Variants in SLC1A7 observed in about 807,000 individuals in gnomAD.
The protein encoded by SLC1A7 is solute carrier family 1 member 7.
A neutral mutation model predicts 47.7 loss-of-function variants in SLC1A7; 40 were observed. The ratio of observed to expected loss-of-function variants is 0.84; its 90% CI spans 0.65 to 1.09. SLC1A7 has a LOEUF of 1.09. Ranked by LOEUF, SLC1A7 falls within the 50% of genes least tolerant of loss-of-function variation. The probability of loss-of-function intolerance (pLI) is 0.00; values close to 1 mark genes in which losing one functional copy is unlikely to be tolerated. For synonymous variants in SLC1A7, 323 were observed against 325.6 expected (o/e 0.99, Z 0.09); for missense variants, 746 against 769.5 (o/e 0.97, Z 0.36).
intron 2 of SLC1A7, among the ~76,000 whole-genome samples, chr1:53,123,430 G>A (rs1644846985): frequency 6.6e-6 from 1 of 152,194 alleles, no homozygotes; most frequent in African/African-American, 2.4e-5. Context: ...ACCTTCCCAG[G>A]CTCTGAGATA....
chr1:53,137,311 A>T (rs1274161614), intron 1 of SLC1A7, among the ~76,000 whole-genome samples: 1 of 122,942 alleles, frequency 8.1e-6, no homozygotes, highest in African/African-American at 2.9e-5. Context: ...TGCTCTACTG[A>T]TAAAAAGGCA....
At position 53,117,835 on chromosome 1, in the gene SLC1A7, C is replaced by G. The variant is rs554073411; in HGVS notation, c.216-2862G>C. Among the ~76,000 whole-genome samples the G allele has an allele frequency of 7.9e-5, 12 of 152,356 alleles. No individual in the cohort carries two copies. The East Asian group carries it at 2.3e-3, about 29-fold the overall frequency. The stretch of plus-strand genomic sequence containing the variant: ...GAGGGAGTGTAGGTTTTAGACAGAG[C>G]AAGAGGGATCCCTGACCCCACCCTG... On this transcript the variant is annotated intron_variant, in intron 2 of 10. Transcript: ENST00000371494.
At chr1:53,114,552 C>T (rs1449855438) in intron 3 of SLC1A7, 1 of 592,614 alleles carries the variant, frequency 1.7e-6, no homozygotes, top group Non-Finnish European at 3.0e-6. Context: ...GAGGGGCAGA[C>T]CCCGTCCAGG....
chr1:53,113,481 G>C (rs1245822151), intron 3 of SLC1A7, among the ~76,000 whole-genome samples: 1 of 152,064 alleles, frequency 6.6e-6, no homozygotes, highest in African/African-American at 2.4e-5. Context: ...CATCCACTTG[G>C]ATGCGTGGGC....
At chr1:53,135,702 T>C (rs1169724512) in intron 1 of SLC1A7, among the ~76,000 whole-genome samples, 1 of 151,438 alleles carries the variant, frequency 6.6e-6, no homozygotes, top group East Asian at 1.9e-4. Flanking sequence ...AAAAAAATGC[T>C]GTTTATCTGA....
rs558157079 is a variant in SLC1A7, at chr1:53,142,414, G to C, written c.36C>G (p.Asp12Glu). The change falls in exon 1 of 11, where the codon GAC (aspartate) becomes GAG (glutamate). Residue 12 changes from aspartate (D) to glutamate (E), a missense_variant. Physicochemically the swap from Asp to Glu is conservative, Grantham distance 45. Transcript: ENST00000371494. The stretch of plus-strand genomic sequence containing the variant: ...TGAGGAGTCCATTCCGCCTGCACAC[G>C]TCCCTCCCCCGTGCCAAGATGGCAT... ...VPHAILARGR[D>E]VCRRNGLLIL... 5 of 1,612,000 alleles carry C rather than the reference G, an allele frequency of 3.1e-6. No individual in the cohort carries two copies. In the Admixed American group the frequency reaches 8.4e-5, roughly 27 times the overall value.
rs545211848 is a variant in SLC1A7, at chr1:53,127,017, C to A, written c.215+7333G>T. Among the ~76,000 whole-genome samples, 3 of 149,074 alleles carry A rather than the reference C, an allele frequency of 2.0e-5. No individual in the cohort carries two copies. The Admixed American group carries it at 2.0e-4, about 10-fold the overall frequency. On this transcript the variant is annotated intron_variant, in intron 2 of 10. Transcript: ENST00000371494. Reference sequence around the variant, plus strand: ...AGCCAGGACTACAGGTGCCCACCATCATGCCTGGCTAATTTTAAAAGTTTT... The same window carrying A: ...AGCCAGGACTACAGGTGCCCACCATAATGCCTGGCTAATTTTAAAAGTTTT...
intron 10 of SLC1A7, among the ~76,000 whole-genome samples, chr1:53,088,545 A>T (rs1361675035): frequency 6.6e-6 from 1 of 152,170 alleles, no homozygotes; most frequent in Non-Finnish European, 1.5e-5. Flanking sequence ...TGCCTGTAGA[A>T]GGAGCCTGAA....
chr1:53,089,329 A>G (rs1644394281), intron 9 of SLC1A7, among the ~76,000 whole-genome samples: 1 of 152,180 alleles, frequency 6.6e-6, no homozygotes, highest in African/African-American at 2.4e-5. Context: ...CAGTGGCGCC[A>G]TCTCGGCTTA....
intron 10 of SLC1A7, 42 bp downstream of exon 10, chr1:53,088,835 G>T: frequency 6.6e-7 from 1 of 1,525,718 alleles, no homozygotes; most frequent in Non-Finnish European, 9.1e-7. Context: ...CACCCTGCGT[G>T]GCTCCACCCT....
Position 53,092,627 on chromosome 1 carries a change from T to C in SLC1A7, c.958A>G (p.Thr320Ala), listed in dbSNP as rs780099489. ...FILPLLYFFI[T>A]KKNPIVFIRG... The stretch of plus-strand genomic sequence containing the variant: ...ATGAAGACGATGGGATTCTTCTTGG[T>C]GATGAAGAAGTAGAGCAGGGGCAGG... Residue 320 changes from threonine to alanine, a missense_variant, in exon 7 of 11, where the codon ACC (threonine) becomes GCC (alanine). Thr to Ala is a moderately conservative substitution (Grantham distance 58). Coordinates refer to ENST00000371494, the MANE Select transcript of SLC1A7 (RefSeq NM_006671.6). The C allele has an allele frequency of 2.0e-5, 33 of 1,614,008 alleles. 1 individual carries two copies. Among genetic ancestry groups the C allele is most frequent in the Non-Finnish European group, 2.2e-5 (26 of 1,179,972 alleles).
At chr1:53,136,058 T>C (rs1262330423) in intron 1 of SLC1A7, among the ~76,000 whole-genome samples, 5 of 151,618 alleles carry the variant, frequency 3.3e-5, no homozygotes, top group Non-Finnish European at 7.4e-5. Flanking sequence ...CACCCAATGT[T>C]AACCGCAGCA....
intron 2 of SLC1A7, 91 bp from the exon 3 acceptor site, chr1:53,115,064 G>C (rs1644743466): frequency 1.0e-6 from 1 of 967,332 alleles, no homozygotes; most frequent in Non-Finnish European, 1.6e-6. Context: ...GCCATGTCCA[G>C]CTGCCTCACA....
At chr1:53,140,928 GT>G (rs1229150054) in intron 1 of SLC1A7, among the ~76,000 whole-genome samples, 1 of 152,168 alleles carries the variant, frequency 6.6e-6, no homozygotes, top group Non-Finnish European at 1.5e-5. Context: ...AGGAGTGGGT[GT>G]TTTCCTTTTA....
chr1:53,094,024 A>T (rs1288409), intron 5 of SLC1A7, among the ~76,000 whole-genome samples: 2 of 152,176 alleles, frequency 1.3e-5, no homozygotes, highest in African/African-American at 4.8e-5. Context: ...AGCCGTTTAC[A>T]CAGTGCCCCA....
chr1:53,103,734 T>C lies in SLC1A7; in HGVS notation c.475-166A>G. On this transcript the variant is annotated intron_variant, in intron 4 of 10. Coordinates refer to ENST00000371494, the MANE Select transcript of SLC1A7 (RefSeq NM_006671.6). Reference sequence around the variant, plus strand: ...AGAGCAGGGATTGCTATCAATATTTTACCCAAAGAAAGCTGCAACTCCTTC... The same window carrying C: ...AGAGCAGGGATTGCTATCAATATTTCACCCAAAGAAAGCTGCAACTCCTTC... 3 of 524,344 alleles carry C rather than the reference T, an allele frequency of 5.7e-6. No homozygotes were observed. The East Asian group carries it at 9.8e-5, about 17-fold the overall frequency. The allele number at this position is 524,344 out of a possible 1,614,324, so 32.5% of individuals were successfully genotyped here.
chr1:53,125,534 C>A (rs1644873263), intron 2 of SLC1A7, among the ~76,000 whole-genome samples: 1 of 152,136 alleles, frequency 6.6e-6, no homozygotes, highest in East Asian at 1.9e-4. Context: ...ACGCTAGAGT[C>A]CCCCAGCCGA....
chr1:53,118,264 G>A (rs900989445), intron 2 of SLC1A7: 1 of 152,272 alleles, frequency 6.6e-6, no homozygotes, highest in African/African-American at 2.4e-5. Context: ...CCCAGTGGTG[G>A]TGGGAGACCA....
chr1:53,132,724 T>C (rs1203946915), intron 2 of SLC1A7, among the ~76,000 whole-genome samples: 1 of 119,306 alleles, frequency 8.4e-6, no homozygotes, highest in Admixed American at 9.3e-5. Flanking sequence ...TGTGTGCCTG[T>C]GGTCCCAGCT....
Sources: gnomAD v4.1 joint callset for allele counts (sites outside exome capture counted in the v4.1 genomes callset) on GRCh38, gnomAD v4.1.1 for gene constraint, MANE v1.5 for transcripts, NCBI Gene and HGNC (gene_info 2026-07-23, HGNC 2026-07-21) for gene names.